Variants in DSE observed in about 807,000 individuals in gnomAD.
The protein encoded by DSE is dermatan sulfate epimerase, also known as dermatan-sulfate epimerase.
A neutral mutation model predicts 84.4 loss-of-function variants in DSE; 36 were observed. The observed-to-expected ratio is 0.43, with a 90% CI of 0.33 to 0.56. The LOEUF (loss-of-function observed/expected upper bound fraction) is 0.56, where lower values mean the gene tolerates loss of function less well. Among genes scored for constraint, DSE ranks in the 20% least tolerant of loss-of-function variants. The probability of loss-of-function intolerance (pLI) is 0.06; values close to 1 mark genes in which losing one functional copy is unlikely to be tolerated. For missense variants in DSE, 862 were observed against 1,169.6 expected, an observed-to-expected ratio of 0.74 and a Z score of 3.84; for synonymous variants, 410 against 430.1, an observed-to-expected ratio of 0.95 and a Z score of 0.58.
In DSE at chr6:116,429,966, A is replaced by G. The variant is rs1283033973; in HGVS notation, c.671-988A>G. ...GACTCCGTCTCAAAAAAAAAAAAAA[A>G]AAAAGAAATATGAGGAGTTGTTATT... On this transcript the variant is annotated intron_variant, in intron 3 of 5. Transcript: ENST00000644252. Among the ~76,000 whole-genome samples the G allele has an allele frequency of 7.1e-4, 10 of 14,062 alleles. 4 individuals carry two copies. In the Admixed American group the frequency reaches 7.2e-3, roughly 10 times the overall value. 9.2% of individuals were successfully genotyped at this position (14,062 alleles called of 152,430 possible).
At chr6:116,271,903 T>C (rs1772894875) in intron 2 of DSE, among the ~76,000 whole-genome samples, 1 of 152,212 alleles carries the variant, frequency 6.6e-6, no homozygotes, top group African/African-American at 2.4e-5. Context: ...GAAAAGTGGA[T>C]ACACCTGTGT....
chr6:116,430,911 T>C (rs769666108), intron 3 of DSE, 43 bp from the exon 4 acceptor site: 157 of 1,601,480 alleles, frequency 9.8e-5, no homozygotes, highest in Non-Finnish European at 1.2e-4. Context: ...TTATGCTTTG[T>C]CACAGGCTTT....
intron 2 of DSE, among the ~76,000 whole-genome samples, chr6:116,420,102 T>G (rs1782973285): frequency 6.6e-6 from 1 of 152,212 alleles, no homozygotes; most frequent in Admixed American, 6.5e-5. Context: ...AGTTCTATTG[T>G]TTCTAGTATT....
chr6:116,413,073 G>A (rs1782485042), intron 2 of DSE, among the ~76,000 whole-genome samples: 1 of 152,162 alleles, frequency 6.6e-6, no homozygotes, highest in Admixed American at 6.5e-5. Context: ...TAATGTATAT[G>A]TACCACATTT....
intron 2 of DSE, among the ~76,000 whole-genome samples, chr6:116,306,696 C>T (rs544089631): frequency 2.6e-5 from 4 of 152,240 alleles, no homozygotes; most frequent in Admixed American, 6.5e-5. Context: ...TGTGTTCCCC[C>T]AAAATTTATA....
intron 2 of DSE, among the ~76,000 whole-genome samples, chr6:116,361,382 A>T (rs1260594220): frequency 6.6e-6 from 1 of 152,106 alleles, no homozygotes; most frequent in East Asian, 1.9e-4. Flanking sequence ...AACATCAAGA[A>T]ATACCCATAG....
chr6:116,272,433 C>T (rs1434481887), intron 2 of DSE, among the ~76,000 whole-genome samples: 2 of 152,118 alleles, frequency 1.3e-5, no homozygotes, highest in African/African-American at 2.4e-5. Context: ...CAAAGACAGA[C>T]GACACCTGCT....
rs558922469 is a variant in DSE at position 116,350,430 on chromosome 6, G to T, written c.-53-48768G>T. Among the ~76,000 whole-genome samples, 5 of 151,954 alleles carry T rather than the reference G, an allele frequency of 3.3e-5. No homozygotes were observed. The South Asian group carries it at 1.0e-3, about 32-fold the overall frequency. ...AAAAGAACTTGTATCTCTTCTTTTCGTATCACAAAAGCTTACTCTAGTGAA... is the reference window on the plus strand; with the variant it reads ...AAAAGAACTTGTATCTCTTCTTTTCTTATCACAAAAGCTTACTCTAGTGAA... On this transcript the variant is annotated intron_variant, in intron 2 of 3. Transcript: ENST00000430252.
intron 2 of DSE, chr6:116,423,213 G>C (rs754958369): frequency 6.6e-6 from 1 of 152,168 alleles, no homozygotes. Flanking sequence ...AATAGATAAA[G>C]TGTGAGTTCA....
chr6:116,379,419 T>G (rs1374463841), intron 1 of DSE, among the ~76,000 whole-genome samples: 3 of 152,206 alleles, frequency 2.0e-5, no homozygotes, highest in Non-Finnish European at 4.4e-5. Flanking sequence ...TAGGTAAGAA[T>G]GTCTTTTGCT....
intron 2 of DSE, among the ~76,000 whole-genome samples, chr6:116,274,803 G>A (rs1302040010): frequency 6.6e-6 from 1 of 152,012 alleles, no homozygotes; most frequent in African/African-American, 2.4e-5. Flanking sequence ...TTACCCATTG[G>A]CCTTGAATTT....
chr6:116,352,735 A>G (rs949833836), intron 2 of DSE, among the ~76,000 whole-genome samples: 1 of 152,206 alleles, frequency 6.6e-6, no homozygotes, highest in Non-Finnish European at 1.5e-5. Flanking sequence ...CATTCCAATA[A>G]CAGACCTGGC....
intron 2 of DSE, among the ~76,000 whole-genome samples, chr6:116,314,182 G>A (rs1417174894): frequency 6.6e-6 from 1 of 152,088 alleles, no homozygotes; most frequent in East Asian, 1.9e-4. Flanking sequence ...AAGGATAAGA[G>A]ATTTTGCTTT....
Position 116,314,657 on chromosome 6 carries a change from G to A in DSE, c.-54+55690G>A, listed in dbSNP as rs200129620. ...ATGGTCAGATTTGCTTTATTCATCA[G>A]ATAGTGTTATTTTGAGGGAAATTAT... On this transcript the variant is annotated intron_variant, in intron 2 of 3. Transcript: ENST00000430252. 3.9e-5 allele frequency among the ~76,000 whole-genome samples: 6 copies of A among 152,228 alleles called. No individual in the cohort carries two copies. The East Asian group carries it at 1.2e-3, about 29-fold the overall frequency.
intron 2 of DSE, among the ~76,000 whole-genome samples, chr6:116,267,513 A>G (rs1582911459): frequency 1.3e-5 from 2 of 152,148 alleles, no homozygotes; most frequent in East Asian, 3.8e-4. Flanking sequence ...CAGCTGTACA[A>G]TATTTGTGTT....
rs991884050 is a variant in DSE, at chr6:116,356,578, C to T, written c.-53-42620C>T. 5.3e-5 allele frequency among the ~76,000 whole-genome samples: 8 copies of T among 152,234 alleles called. 1 individual carries two copies. Among genetic ancestry groups the T allele is most frequent in the Admixed American group, 3.9e-4 (6 of 15,286 alleles). ...GATCTAGAAGGCATAGGTTCCATAG[C>T]TCAGGAACTTTGAGTCATAAAATTT... On this transcript the variant is annotated intron_variant, in intron 2 of 3. Transcript: ENST00000430252.
intron 2 of DSE, among the ~76,000 whole-genome samples, chr6:116,421,725 C>T (rs1783107848): frequency 6.6e-6 from 1 of 151,758 alleles, no homozygotes; most frequent in Non-Finnish European, 1.5e-5. Context: ...CCTCCTAAAG[C>T]ACTAGGATTA....
At chr6:116,429,035 G>A (rs1783635577) in intron 3 of DSE, among the ~76,000 whole-genome samples, 1 of 152,128 alleles carries the variant, frequency 6.6e-6, no homozygotes, top group African/African-American at 2.4e-5. Context: ...TAGGTAATGT[G>A]GTATCCTGGG....
At chr6:116,369,021 T>G (rs1779345763), upstream of DSE, among the ~76,000 whole-genome samples, 1 of 151,730 alleles carries the variant, frequency 6.6e-6, no homozygotes, top group Non-Finnish European at 1.5e-5. Flanking sequence ...GTGGGGGGTG[T>G]GAGGGTAAAG....
Sources: allele counts gnomAD v4.1 joint callset (sites outside exome capture counted in the v4.1 genomes callset), GRCh38; gene constraint gnomAD v4.1.1; transcripts MANE v1.5; gene names NCBI Gene and HGNC (gene_info 2026-07-23, HGNC 2026-07-21).